The following NID2 variants were observed in gnomAD, a reference collection of about 807,000 sequenced individuals.
NID2 encodes the protein nidogen 2.
Under a neutral mutation model 145.4 loss-of-function variants are expected in NID2, and 83 were observed. The ratio of observed to expected loss-of-function variants is 0.57; its 90% CI spans 0.48 to 0.69. The LOEUF (loss-of-function observed/expected upper bound fraction) is 0.69. NID2 is among the 30% of genes least tolerant of loss of function. NID2 has a pLI of 0.00. For missense variants in NID2, 1,807 were observed against 1,765.7 expected (o/e 1.02, Z -0.42); for synonymous variants, 739 against 701.3 (o/e 1.05, Z -0.85).
chr14:52,068,990 T>A lies in NID2; in HGVS notation c.5A>T (p.Glu2Val). 1 of 1,608,886 alleles carries A rather than the reference T, an allele frequency of 6.2e-7. No homozygotes were observed. The highest frequency in any genetic ancestry group is 8.5e-7 in the Non-Finnish European group (1 of 1,177,790). The change falls in exon 1 of 22, where the codon GAG becomes GTG. Residue 2 changes from glutamate to valine, a missense_variant. Coordinates refer to ENST00000216286, the MANE Select transcript of NID2 (RefSeq NM_007361.4). MEGDRVAGRPVL... is the reference protein window; with the variant it reads MVGDRVAGRPVL... Reference sequence around the variant, plus strand: ...CGGCCGCCCGGCCACCCGGTCCCCCTCCATGCTCGCTCGGCCGTGCGCTTA... The same window carrying A: ...CGGCCGCCCGGCCACCCGGTCCCCCACCATGCTCGCTCGGCCGTGCGCTTA...
At chr14:52,068,286 G>A in intron 1 of NID2, 123 bp from the exon 2 acceptor site, 1 of 956,040 alleles carries the variant, frequency 1.0e-6, no homozygotes, top group South Asian at 1.4e-5. Flanking sequence ...CACTGGCCAG[G>A]GAGTCTGGAT....
intron 18 of NID2, 41 bp downstream of exon 18, chr14:52,010,835 G>A (rs776464985): frequency 6.3e-7 from 1 of 1,592,310 alleles, no homozygotes; most frequent in Non-Finnish European, 8.6e-7. Context: ...CTTCACATCA[G>A]GATCTACAGG....
chr14:52,065,638 A>G (rs1281739805), intron 2 of NID2, among the ~76,000 whole-genome samples: 3 of 106,770 alleles, frequency 2.8e-5, no homozygotes, highest in Admixed American at 1.0e-4. Flanking sequence ...ATATCTCCCA[A>G]TGCTATCCCT....
At chr14:52,059,182 A>AAGTGTTT (rs1345345124) in intron 3 of NID2, among the ~76,000 whole-genome samples, 1 of 152,210 alleles carries the variant, frequency 6.6e-6, no homozygotes, top group African/African-American at 2.4e-5. Context: ...AACATCTGGA[A>AAGTGTTT]AGTGTTTAGC....
chr14:52,005,303 A>T lies in NID2; in HGVS notation c.*183T>A. On this transcript the variant is annotated 3_prime_UTR_variant, in exon 22 of 22. Coordinates refer to ENST00000216286, the MANE Select transcript of NID2 (RefSeq NM_007361.4). ...TAACAACCTTCATTTTTAAAAATAC[A>T]GTAGTAAAGATTGAGGTATCAGCTT... 2.3e-6 allele frequency: 1 copy of T among 437,372 alleles called. No homozygotes were observed. Among genetic ancestry groups the T allele is most frequent in the East Asian group, 3.5e-5 (1 of 28,930 alleles). 27.1% of individuals were successfully genotyped at this position (437,372 alleles called of 1,614,324 possible).
intron 5 of NID2, among the ~76,000 whole-genome samples, chr14:52,045,609 A>G (rs1227127352): frequency 2.0e-5 from 3 of 147,166 alleles, no homozygotes; most frequent in Non-Finnish European, 3.0e-5. Context: ...GGCTGTGAAG[A>G]AAACTGTATC....
At chr14:52,007,342 A>T in intron 19 of NID2, 1 of 175,378 alleles carries the variant, frequency 5.7e-6, no homozygotes, top group African/African-American at 2.4e-5. Context: ...CTAGACACAC[A>T]GCATTTTTTC....
chr14:52,058,176 C>T (rs140351213), intron 3 of NID2, among the ~76,000 whole-genome samples: 23 of 152,268 alleles, frequency 1.5e-4, no homozygotes, highest in African/African-American at 3.6e-4. Flanking sequence ...TATGACATAA[C>T]GTTTTGTAGC....
chr14:52,027,306 G>C lies in NID2; in HGVS notation c.2569C>G (p.His857Asp). 6.3e-7 allele frequency: 1 copy of C among 1,592,712 alleles called. No individual in the cohort carries two copies. Among genetic ancestry groups the C allele is most frequent in the Non-Finnish European group, 8.5e-7 (1 of 1,170,570 alleles). ...PPANPCEDGS[H>D]TCAPAGQARC... Reference sequence around the variant, plus strand: ...GCCTGCCCAGCAGGAGCACAGGTATGACTGCCATCCTCACAGGGGTTGGCA... The same window carrying C: ...GCCTGCCCAGCAGGAGCACAGGTATCACTGCCATCCTCACAGGGGTTGGCA... Residue 857 changes from histidine (H) to aspartate (D), a missense_variant, in exon 12 of 22, where the codon CAT becomes GAT. Transcript: ENST00000216286.
At chr14:52,027,647 C>A (rs1891637792) in intron 11 of NID2, among the ~76,000 whole-genome samples, 1 of 151,298 alleles carries the variant, frequency 6.6e-6, no homozygotes, top group Non-Finnish European at 1.5e-5. Flanking sequence ...CACACACACA[C>A]ACACACACAC....
intron 12 of NID2, among the ~76,000 whole-genome samples, chr14:52,020,895 C>T (rs1179000612): frequency 1.3e-5 from 2 of 152,178 alleles, no homozygotes; most frequent in African/African-American, 4.8e-5. Flanking sequence ...GATTAATTTT[C>T]ACCATCATAT....
Position 52,042,214 on chromosome 14 carries a change from G to C in NID2, c.1716C>G (p.Ile572Met), listed in dbSNP as rs1418735853. 3 of 1,614,138 alleles carry C rather than the reference G, an allele frequency of 1.9e-6. No homozygotes were observed. The highest frequency in any genetic ancestry group is 2.5e-6 in the Non-Finnish European group (3 of 1,180,054). The change falls in exon 7 of 22, where the codon ATC (isoleucine) becomes ATG (methionine). Residue 572 changes from isoleucine (I) to methionine (M), a missense_variant. Coordinates refer to ENST00000216286, the MANE Select transcript of NID2 (RefSeq NM_007361.4). Reference sequence around the variant, plus strand: ...GGAGGGCCTGGGCTGCTGGCTGTGGGATGTGGCTGATGGCCGTGTAGGCTC... The same window carrying C: ...GGAGGGCCTGGGCTGCTGGCTGTGGCATGTGGCTGATGGCCGTGTAGGCTC... The part of the protein sequence containing the change: ...DGRAYTAISH[I>M]PQPAAQALLP...
intron 3 of NID2, among the ~76,000 whole-genome samples, chr14:52,055,954 T>TGTGC: frequency 6.6e-6 from 1 of 152,158 alleles, no homozygotes; most frequent in East Asian, 1.9e-4. Context: ...TGTGTGTGTG[T>TGTGC]GTGTATGCAT....
chr14:52,018,919 C>T (rs928103781), intron 14 of NID2, 142 bp downstream of exon 14: 38 of 625,166 alleles, frequency 6.1e-5, no homozygotes, highest in African/African-American at 1.6e-4. Context: ...CATATTTGTA[C>T]GCACTATTAT....
At chr14:52,008,174 C>G (rs1303867881) in intron 18 of NID2, 3 of 457,420 alleles carry the variant, frequency 6.6e-6, no homozygotes, top group Non-Finnish European at 1.2e-5. Flanking sequence ...TATTCGGTCT[C>G]AAAAAACTGG....
intron 9 of NID2, among the ~76,000 whole-genome samples, chr14:52,033,155 T>A (rs1188510842): frequency 6.6e-6 from 1 of 152,210 alleles, no homozygotes; most frequent in Non-Finnish European, 1.5e-5. Flanking sequence ...GAACACAGTA[T>A]CCTTCTTAAG....
intron 9 of NID2, among the ~76,000 whole-genome samples, chr14:52,035,998 T>C (rs2140391708): frequency 6.6e-6 from 1 of 151,936 alleles, no homozygotes; most frequent in South Asian, 2.1e-4. Context: ...CATAAGCCAG[T>C]ATGCCTGGCC....
chr14:52,020,990 T>C (rs1891385499), intron 12 of NID2, among the ~76,000 whole-genome samples: 1 of 151,720 alleles, frequency 6.6e-6, no homozygotes, highest in Non-Finnish European at 1.5e-5. Flanking sequence ...ATGCCGACAA[T>C]AGCAAGTCAC....
rs1890718555 is a variant in NID2, at chr14:52,005,251, A to AATTCTGTTACCTTTTTAAACTTGC, written c.*211_*234dup. Reference sequence around the variant, plus strand: ...AGTTGCTTTAATAAGCAACAGTTAAAATTCTGTTACCTTTTTAAACTTGCA... The same window carrying AATTCTGTTACCTTTTTAAACTTGC: ...AGTTGCTTTAATAAGCAACAGTTAAAATTCTGTTACCTTTTTAAACTTGCATTCTGTTACCTTTTTAAACTTGCA... On this transcript the variant is annotated 3_prime_UTR_variant, in exon 22 of 22. Coordinates refer to ENST00000216286, the MANE Select transcript of NID2 (RefSeq NM_007361.4). 2.6e-6 allele frequency: 1 copy of AATTCTGTTACCTTTTTAAACTTGC among 384,010 alleles called. No homozygotes were observed. The highest frequency in any genetic ancestry group is 2.1e-5 in the African/African-American group (1 of 48,172). The allele number at this position is 384,010 out of a possible 1,614,324, so 23.8% of individuals were successfully genotyped here.
Sources: gnomAD v4.1 joint callset for allele counts (sites outside exome capture counted in the v4.1 genomes callset) on GRCh38, gnomAD v4.1.1 for gene constraint, MANE v1.5 for transcripts, NCBI Gene and HGNC (gene_info 2026-07-23, HGNC 2026-07-21) for gene names.